DNAH6: variants seen among roughly 807,000 people sequenced by gnomAD.
DNAH6 encodes axonemal beta dynein heavy chain 6.
A neutral mutation model predicts 491.4 loss-of-function variants in DNAH6; 340 were observed. The observed-to-expected ratio is 0.69, with a 90% CI of 0.63 to 0.76. The LOEUF is 0.76. Among genes scored for constraint, DNAH6 ranks in the 30% least tolerant of loss-of-function variants. The pLI, the probability that DNAH6 is intolerant of heterozygous loss-of-function variation, is 0.00. For missense variants in DNAH6, 4,443 were observed against 4,972.2 expected (o/e 0.89, Z 3.20); for synonymous variants, 1,603 against 1,686.1 (o/e 0.95, Z 1.21).
At chr2:84,609,736 T>C (rs762029749) in intron 21 of DNAH6, among the ~76,000 whole-genome samples, 2 of 151,898 alleles carry the variant, frequency 1.3e-5, no homozygotes, top group African/African-American at 2.4e-5. Flanking sequence ...CCAAAGACAA[T>C]TGGTAATTGT....
At chr2:84,778,013 G>C (rs1156960436) in intron 64 of DNAH6, 2 of 1,006,064 alleles carry the variant, frequency 2.0e-6, no homozygotes, top group Non-Finnish European at 3.2e-6. Flanking sequence ...GTCTTTGCCA[G>C]AGACAATCTT....
chr2:84,744,477 A>G (rs1672783539), intron 62 of DNAH6, among the ~76,000 whole-genome samples: 1 of 152,320 alleles, frequency 6.6e-6, no homozygotes, highest in South Asian at 2.1e-4. Context: ...GGGATGATGT[A>G]TCGTTTATTA....
intron 50 of DNAH6, 148 bp from the exon 51 acceptor site, chr2:84,703,919 A>G: frequency 1.5e-6 from 1 of 652,080 alleles, no homozygotes; most frequent in South Asian, 2.0e-5. Context: ...ATAGATGGAC[A>G]AAGGAGAGCA....
chr2:84,819,284 T>G, intron 76 of DNAH6, 21 bp from the exon 77 acceptor site: 1 of 1,505,282 alleles, frequency 6.6e-7, no homozygotes, highest in Non-Finnish European at 9.0e-7. Context: ...AACAACCTTT[T>G]TTTCCTATAT....
chr2:84,800,714 G>T (rs1678804648), intron 70 of DNAH6, among the ~76,000 whole-genome samples: 1 of 152,072 alleles, frequency 6.6e-6, no homozygotes, highest in East Asian at 1.9e-4. Flanking sequence ...AAAGAAAAGA[G>T]AATTTTTTAA....
intron 63 of DNAH6, among the ~76,000 whole-genome samples, chr2:84,751,729 G>A (rs903346642): frequency 3.3e-5 from 5 of 152,188 alleles, no homozygotes; most frequent in Non-Finnish European, 1.5e-5. Context: ...GCTAAGACAA[G>A]TTCTCTACAC....
chr2:84,593,514 G>T (rs189059035), intron 16 of DNAH6, among the ~76,000 whole-genome samples: 32 of 152,074 alleles, frequency 2.1e-4, no homozygotes, highest in Non-Finnish European at 3.2e-4. Flanking sequence ...CAGAAACCAC[G>T]CTGTCCTCTC....
chr2:84,497,892 C>G, the DNAH6 span, among the ~76,000 whole-genome samples: 15 of 152,178 alleles, frequency 9.9e-5, no homozygotes, highest in Non-Finnish European at 1.5e-5. Context: ...AAAGTGATCC[C>G]TGAAAAGCAA....
chr2:84,584,386 T>C, intron 15 of DNAH6, 136 bp downstream of exon 15: 4 of 894,978 alleles, frequency 4.5e-6, no homozygotes, highest in East Asian at 2.7e-5. Context: ...TACGTATACA[T>C]TGTGAAATTG....
At chr2:84,768,312 CT>C (rs1353943144) in intron 64 of DNAH6, among the ~76,000 whole-genome samples, 3 of 151,750 alleles carry the variant, frequency 2.0e-5, no homozygotes, top group Non-Finnish European at 4.4e-5. Flanking sequence ...ACTTTTTAAA[CT>C]TAATAAAACT....
chr2:84,678,821 T>C (rs1242100624), intron 41 of DNAH6, among the ~76,000 whole-genome samples: 1 of 152,170 alleles, frequency 6.6e-6, no homozygotes, highest in African/African-American at 2.4e-5. Flanking sequence ...GAAATAGAAA[T>C]GATATGTGGC....
upstream of DNAH6, among the ~76,000 whole-genome samples, chr2:84,515,963 T>C (rs1168153831): frequency 2.0e-5 from 3 of 152,132 alleles, no homozygotes; most frequent in Non-Finnish European, 4.4e-5. Flanking sequence ...CAGTGGAGTT[T>C]AAGGGAAGAG....
Position 84,577,253 on chromosome 2 carries a change from G to C in DNAH6, c.1925-4G>C. On this transcript the variant is annotated splice_polypyrimidine_tract_variant and splice_region_variant and intron_variant, in intron 12 of 76. Transcript: ENST00000389394. ...TTATGCTTTATGTGAATTTTTTTAT[G>C]TAGATATTAACTTTTTTAGTGAACA... 6.4e-7 allele frequency: 1 copy of C among 1,550,394 alleles called. No individual in the cohort carries two copies. Among genetic ancestry groups the C allele is most frequent in the Non-Finnish European group, 8.7e-7 (1 of 1,149,504 alleles).
At chr2:84,754,028 T>G (rs1257183773) in intron 63 of DNAH6, among the ~76,000 whole-genome samples, 2 of 151,638 alleles carry the variant, frequency 1.3e-5, no homozygotes, top group African/African-American at 4.8e-5. Context: ...TTTACCATGT[T>G]GGCCAGAATG....
chr2:84,488,489 G>A, the DNAH6 span, among the ~76,000 whole-genome samples: 1 of 152,062 alleles, frequency 6.6e-6, no homozygotes, highest in South Asian at 2.1e-4. Context: ...CCTTCTGGAG[G>A]CTCTAGGAGT....
chr2:84,739,043 C>T (rs1672267294), intron 62 of DNAH6, among the ~76,000 whole-genome samples: 1 of 152,060 alleles, frequency 6.6e-6, no homozygotes, highest in South Asian at 2.1e-4. Flanking sequence ...TGGAAAATTC[C>T]CTTGGTGATT....
At chr2:84,654,922 T>C in intron 35 of DNAH6, 140 bp downstream of exon 35, 1 of 915,710 alleles carries the variant, frequency 1.1e-6, no homozygotes, top group Middle Eastern at 3.2e-4. Context: ...TCCCTGTGAA[T>C]TCCTGGAATC....
chr2:84,462,103 A>G, the DNAH6 span, among the ~76,000 whole-genome samples: 1 of 152,178 alleles, frequency 6.6e-6, no homozygotes, highest in South Asian at 2.1e-4. Context: ...TAAGCTACAT[A>G]CCTCCCTCAC....
chr2:84,635,907 T>C (rs1688837781), intron 30 of DNAH6, among the ~76,000 whole-genome samples: 1 of 152,166 alleles, frequency 6.6e-6, no homozygotes, highest in South Asian at 2.1e-4. Context: ...ATTCCTCATG[T>C]CTGTTGATAG....
Sources: allele counts gnomAD v4.1 joint callset (sites outside exome capture counted in the v4.1 genomes callset), GRCh38; gene constraint gnomAD v4.1.1; transcripts MANE v1.5; gene names NCBI Gene and HGNC (gene_info 2026-07-23, HGNC 2026-07-21).